The following EDRF1 variants were observed in gnomAD, a reference collection of about 807,000 sequenced individuals.
The protein encoded by EDRF1 is erythroid differentiation-related factor 1.
Under a neutral mutation model 148.7 loss-of-function variants are expected in EDRF1, and 69 were observed. The ratio of observed to expected loss-of-function variants is 0.46; its 90% CI spans 0.38 to 0.57. The LOEUF (loss-of-function observed/expected upper bound fraction) is 0.57, where lower values mean the gene tolerates loss of function less well. EDRF1 is among the 20% of genes least tolerant of loss of function. The probability of loss-of-function intolerance (pLI) is 0.00; values close to 1 mark genes in which losing one functional copy is unlikely to be tolerated. For synonymous variants in EDRF1, 515 were observed against 532.8 expected, an observed-to-expected ratio of 0.97 and a Z score of 0.46; for missense variants, 1,118 against 1,478.7, an observed-to-expected ratio of 0.76 and a Z score of 4.00.
rs1245562365 is a variant in EDRF1 at position 125,763,342 on chromosome 10, A to C, written c.3587A>C (p.His1196Pro). The C allele has an allele frequency of 1.2e-6, 2 of 1,613,558 alleles. No homozygotes were observed. Among genetic ancestry groups the C allele is most frequent in the Non-Finnish European group, 1.7e-6 (2 of 1,180,036 alleles). ...EDDTILKTNK[H>P]IYSQLLRATA... Reference sequence around the variant, plus strand: ...GACACAATTCTCAAAACCAACAAGCACATTTACTCCCAGCTTTTGAGAGCA... The same window carrying C: ...GACACAATTCTCAAAACCAACAAGCCCATTTACTCCCAGCTTTTGAGAGCA... Residue 1196 changes from histidine (H) to proline (P), a missense_variant, in exon 25 of 25, where the codon CAC (histidine) becomes CCC (proline). Physicochemically the swap from His to Pro is moderately conservative, Grantham distance 77. This residue lies in a region of EDRF1 where 954 missense variants were observed against 1,241.4 expected (regional missense o/e 0.77). Coordinates refer to ENST00000356792, the MANE Select transcript of EDRF1 (RefSeq NM_001202438.2). This position sits in a 1 kb window ranked among gnomAD's most constrained non-coding sequence, Gnocchi z 4.3.
intron 23 of EDRF1, 135 bp from the exon 24 acceptor site, chr10:125,753,559 T>C (rs1849747127): frequency 1.1e-6 from 1 of 914,364 alleles, no homozygotes. Flanking sequence ...TGATCATAGG[T>C]GTGCTTTTTG....
At position 125,723,144 on chromosome 10, in the gene EDRF1, A is replaced by G. The variant is rs948180752; in HGVS notation, c.384+10A>G. The G allele has an allele frequency of 3.7e-6, 6 of 1,612,350 alleles. No homozygotes were observed. The Admixed American group carries it at 6.7e-5, about 18-fold the overall frequency. ...TGTCTCTGACTCTGAAGTAAGTGTTATTTGTCGCTTAATGTAATTTTGGAG... is the reference window on the plus strand; with the variant it reads ...TGTCTCTGACTCTGAAGTAAGTGTTGTTTGTCGCTTAATGTAATTTTGGAG... On this transcript the variant is annotated intron_variant, in intron 3 of 24. Coordinates refer to ENST00000356792, the MANE Select transcript of EDRF1 (RefSeq NM_001202438.2).
In EDRF1 at chr10:125,733,627, C is replaced by G; in HGVS notation, c.1277-8C>G. 6.2e-7 allele frequency: 1 copy of G among 1,613,166 alleles called. No individual in the cohort carries two copies. Among genetic ancestry groups the G allele is most frequent in the Non-Finnish European group, 8.5e-7 (1 of 1,179,318 alleles). ...TGTGAAATGAGTCTTCTTTGTTTTT[C>G]TTTTCAGCAAGTGGCAGCGATATAG... On this transcript the variant is annotated splice_polypyrimidine_tract_variant and splice_region_variant and intron_variant, in intron 10 of 24. Coordinates refer to ENST00000356792, the MANE Select transcript of EDRF1 (RefSeq NM_001202438.2).
At chr10:125,753,553 C>A in intron 23 of EDRF1, 141 bp from the exon 24 acceptor site, 1 of 882,726 alleles carries the variant, frequency 1.1e-6, no homozygotes, top group Non-Finnish European at 1.8e-6. Flanking sequence ...TCAAAATGAT[C>A]ATAGGTGTGC....
At chr10:125,758,429 A>G (rs761708610) in intron 24 of EDRF1, among the ~76,000 whole-genome samples, 3 of 152,168 alleles carry the variant, frequency 2.0e-5, no homozygotes, top group Non-Finnish European at 4.4e-5. Flanking sequence ...CACCTTATGT[A>G]TGATAGTAGA....
rs1455609328 is a variant in EDRF1, at chr10:125,747,641, A to G, written c.2920A>G (p.Met974Val). The G allele has an allele frequency of 1.2e-6, 2 of 1,614,200 alleles. No homozygotes were observed. Among genetic ancestry groups the G allele is most frequent in the South Asian group, 1.1e-5 (1 of 91,086 alleles). ...NWELSTTYFT[M>V]ATLQQDYAPL... ...GGAATTGTCCACTACTTACTTTACTATGGCAACTCTACAGCAAGATTATGC... is the reference window on the plus strand; with the variant it reads ...GGAATTGTCCACTACTTACTTTACTGTGGCAACTCTACAGCAAGATTATGC... Residue 974 changes from methionine (M) to valine (V), a missense_variant, in exon 20 of 25, where the codon ATG becomes GTG. Transcript: ENST00000356792.
At chr10:125,729,948 A>G (rs927163434) in intron 8 of EDRF1, among the ~76,000 whole-genome samples, 2 of 152,240 alleles carry the variant, frequency 1.3e-5, no homozygotes, top group African/African-American at 4.8e-5. Flanking sequence ...GCCAATGTGA[A>G]TTCCAACTTA....
At position 125,739,476 on chromosome 10, in the gene EDRF1, T is replaced by C. The variant is rs17153489; in HGVS notation, c.1982-987T>C. Among the ~76,000 whole-genome samples, 103 of 152,336 alleles carry C rather than the reference T, an allele frequency of 6.8e-4. 1 individual carries two copies. In the South Asian group the frequency reaches 1.0e-2, roughly 15 times the overall value. On this transcript the variant is annotated intron_variant, in intron 15 of 24. Coordinates refer to ENST00000356792, the MANE Select transcript of EDRF1 (RefSeq NM_001202438.2). ...CACTTTGTCCTGTGAGCCTGCCTTATGTCAGAGTTCCAGCATTAAATGGTT... is the reference window on the plus strand; with the variant it reads ...CACTTTGTCCTGTGAGCCTGCCTTACGTCAGAGTTCCAGCATTAAATGGTT...
At chr10:125,742,766 A>T in intron 17 of EDRF1, 1 of 984,912 alleles carries the variant, frequency 1.0e-6, no homozygotes. Flanking sequence ...GGACAACTTT[A>T]GGTCCATTCT....
chr10:125,742,367 G>A (rs939287764), intron 17 of EDRF1: 20 of 1,207,424 alleles, frequency 1.7e-5, no homozygotes, highest in Non-Finnish European at 2.1e-5. Context: ...ATGTCTCATG[G>A]GGTTGTTTTA....
intron 24 of EDRF1, among the ~76,000 whole-genome samples, chr10:125,762,171 A>G (rs1850221823): frequency 6.6e-6 from 1 of 152,196 alleles, no homozygotes; most frequent in Non-Finnish European, 1.5e-5. Flanking sequence ...CTCCTGGGGA[A>G]GGGAGCTCTG....
rs1208742133 is a variant in EDRF1 at position 125,738,073 on chromosome 10, T to A, written c.1830+84T>A. The A allele has an allele frequency of 2.1e-6, 3 of 1,430,074 alleles. No individual in the cohort carries two copies. In the African/African-American group the frequency reaches 4.2e-5, roughly 20 times the overall value. 88.6% of individuals were successfully genotyped at this position (1,430,074 alleles called of 1,614,324 possible). On this transcript the variant is annotated intron_variant, in intron 14 of 24. Coordinates refer to ENST00000356792, the MANE Select transcript of EDRF1 (RefSeq NM_001202438.2). Reference sequence around the variant, plus strand: ...ACACTTGTTTGTTGGTATCTAAATGTTATTCTGAATTGTGTTCTGCTGCGA... The same window carrying A: ...ACACTTGTTTGTTGGTATCTAAATGATATTCTGAATTGTGTTCTGCTGCGA...
chr10:125,743,326 A>G (rs1215723375), intron 18 of EDRF1, 50 bp downstream of exon 18: 3 of 1,528,498 alleles, frequency 2.0e-6, no homozygotes, highest in African/African-American at 2.7e-5. Flanking sequence ...TCAGAAAATT[A>G]TGCTAATTTT....
intron 16 of EDRF1, 22 bp downstream of exon 16, chr10:125,740,673 T>C (rs1200218283): frequency 1.2e-6 from 2 of 1,607,636 alleles, no homozygotes; most frequent in East Asian, 2.2e-5. Flanking sequence ...TAAATGAATA[T>C]GTTTAATAGG....
intron 19 of EDRF1, 47 bp from the exon 20 acceptor site, chr10:125,747,489 A>G (rs373104423): frequency 2.4e-5 from 39 of 1,598,802 alleles, no homozygotes; most frequent in Non-Finnish European, 3.1e-5. Context: ...CAGTATTGGT[A>G]TATGTTTAAG....
rs1354569792 is a variant in EDRF1 at position 125,740,334 on chromosome 10, A to C, written c.1982-129A>C. ...TCACTCCAGTGTATTTAAGCAGTAA[A>C]GCATAGTATTTACCAGTCTTGTCAC... On this transcript the variant is annotated intron_variant, in intron 15 of 24. Transcript: ENST00000356792. 3 of 971,072 alleles carry C rather than the reference A, an allele frequency of 3.1e-6. No individual in the cohort carries two copies. The Admixed American group carries it at 6.0e-5, about 20-fold the overall frequency. The allele number at this position is 971,072 out of a possible 1,614,324, so 60.2% of individuals were successfully genotyped here.
At chr10:125,760,436 A>G (rs910938432) in intron 24 of EDRF1, among the ~76,000 whole-genome samples, 2 of 152,204 alleles carry the variant, frequency 1.3e-5, no homozygotes, top group Non-Finnish European at 2.9e-5. Flanking sequence ...GCTGAAAACT[A>G]TTGTAATCTA....
chr10:125,747,909 G>T lies in EDRF1; in HGVS notation c.3020G>T (p.Cys1007Phe). The T allele has an allele frequency of 3.1e-6, 5 of 1,614,164 alleles. No homozygotes were observed. The highest frequency in any genetic ancestry group is 4.2e-6 in the Non-Finnish European group (5 of 1,180,022). Residue 1007 changes from cysteine (C) to phenylalanine (F), a missense_variant, in exon 21 of 25, where the codon TGC becomes TTC. Physicochemically the swap from Cys to Phe is radical, Grantham distance 205. This residue lies in a region of EDRF1 where 954 missense variants were observed against 1,241.4 expected (regional missense o/e 0.77). Transcript: ENST00000356792. ...GCCATGATGAAGTCCCTAAAATACT[G>T]CGATGTGGATTCAGTGTCTGCTCGA... ...SEAMMKSLKYCDVDSVSARQP... is the reference protein window; with the variant it reads ...SEAMMKSLKYFDVDSVSARQP...
chr10:125,758,197 C>T (rs1182735377), intron 24 of EDRF1, among the ~76,000 whole-genome samples: 2 of 152,136 alleles, frequency 1.3e-5, no homozygotes, highest in Admixed American at 6.5e-5. Flanking sequence ...TGGGTTCATT[C>T]TTACAGTTCC....
Sources: allele counts gnomAD v4.1 joint callset (sites outside exome capture counted in the v4.1 genomes callset), GRCh38; gene constraint gnomAD v4.1.1; regional missense constraint gnomAD v4.1.1; non-coding constraint Gnocchi (gnomAD v3.1); transcripts MANE v1.5; gene names NCBI Gene and HGNC (gene_info 2026-07-23, HGNC 2026-07-21).